The following KRT19 variants were observed in gnomAD, a reference collection of about 807,000 sequenced individuals.
KRT19 encodes keratin, type I cytoskeletal 19.
A neutral mutation model predicts 34.6 loss-of-function variants in KRT19; 21 were observed. That is an observed-to-expected ratio of 0.61 (90% CI 0.43 to 0.87). KRT19 has a LOEUF of 0.87. Among genes scored for constraint, KRT19 ranks in the 40% least tolerant of loss-of-function variants. The pLI is 0.00. For missense variants in KRT19, 514 were observed against 545.7 expected (o/e 0.94, Z 0.58); for synonymous variants, 240 against 245.8 (o/e 0.98, Z 0.22).
intron 1 of KRT19, among the ~76,000 whole-genome samples, chr17:41,526,470 A>T (rs1905868858): frequency 6.9e-6 from 1 of 143,894 alleles, no homozygotes; most frequent in Non-Finnish European, 1.5e-5. Flanking sequence ...TTTTTGATAC[A>T]GGGTCTCGCT....
At chr17:41,525,498 T>C (rs1905832305) in intron 1 of KRT19, 1 of 517,448 alleles carries the variant, frequency 1.9e-6, no homozygotes, top group Non-Finnish European at 3.5e-6. Flanking sequence ...GGGACTTGGG[T>C]GGGGGAGGGC....
rs374629932 is a variant in KRT19 at position 41,524,448 on chromosome 17, G to T, written c.753C>A (p.Asp251Glu). ...CCATGACCTCATATTGGCTTCGCAT[G>T]TCACTCAGGATCTTGGCGAGATCGG... is the stretch of plus-strand genomic sequence containing the variant. ...PGTDLAKILSDMRSQYEVMAE... is the reference protein window; with the variant it reads ...PGTDLAKILSEMRSQYEVMAE... Residue 251 changes from aspartate (D) to glutamate (E), a missense_variant, in exon 4 of 6, where the codon GAC (aspartate) becomes GAA (glutamate). Physicochemically the swap from Asp to Glu is conservative, Grantham distance 45. Transcript: ENST00000361566. The T allele has an allele frequency of 2.7e-5, 44 of 1,614,190 alleles. No individual in the cohort carries two copies. In the Middle Eastern group the frequency reaches 6.6e-4, roughly 24 times the overall value.
chr17:41,524,437 T>A lies in KRT19; in HGVS notation c.764A>T (p.Gln255Leu). The change falls in exon 4 of 6, where the codon CAA (glutamine) becomes CTA (leucine). Residue 255 changes from glutamine (Q) to leucine (L), a missense_variant. By Grantham distance (113) the Gln-to-Leu change is moderately radical. Transcript: ENST00000361566. ...LAKILSDMRS[Q>L]YEVMAEQNRK... Reference sequence around the variant, plus strand: ...GTTCTGCTCGGCCATGACCTCATATTGGCTTCGCATGTCACTCAGGATCTT... The same window carrying A: ...GTTCTGCTCGGCCATGACCTCATATAGGCTTCGCATGTCACTCAGGATCTT... The A allele has an allele frequency of 6.2e-7, 1 of 1,614,210 alleles. No homozygotes were observed. Among genetic ancestry groups the A allele is most frequent in the Non-Finnish European group, 8.5e-7 (1 of 1,180,030 alleles).
Position 41,524,433 on chromosome 17 carries a change from A to T in KRT19, c.768T>A (p.Tyr256Ter). 1 of 1,614,124 alleles carries T rather than the reference A, an allele frequency of 6.2e-7. No individual in the cohort carries two copies. The highest frequency in any genetic ancestry group is 2.2e-5 in the East Asian group (1 of 44,874). The change falls in exon 4 of 6, where the codon TAT (tyrosine) becomes TAA (stop). Residue 256 changes from tyrosine (Y) to a stop codon, truncating the protein, a stop_gained. Coordinates refer to ENST00000361566, the MANE Select transcript of KRT19 (RefSeq NM_002276.5). LOFTEE classifies it high-confidence loss of function. ...TCCGGTTCTGCTCGGCCATGACCTCATATTGGCTTCGCATGTCACTCAGGA... is the reference window on the plus strand; with the variant it reads ...TCCGGTTCTGCTCGGCCATGACCTCTTATTGGCTTCGCATGTCACTCAGGA... Reference protein sequence around the residue: ...AKILSDMRSQYEVMAEQNRKD... With the variant: ...AKILSDMRSQ
rs1905796590 is a variant in KRT19, at chr17:41,524,626, A to G, written c.661-86T>C. 2.0e-6 allele frequency: 3 copies of G among 1,477,586 alleles called. No homozygotes were observed. In the South Asian group the frequency reaches 3.6e-5, roughly 17 times the overall value. 91.5% of individuals were successfully genotyped at this position (1,477,586 alleles called of 1,614,324 possible). On this transcript the variant is annotated intron_variant, in intron 3 of 5. Transcript: ENST00000361566. ...GTCACTTCCCCACCCTTCAGGCTAA[A>G]GGGGCTTAGTTTTCAGGTGCAGGCC...
intron 2 of KRT19, 71 bp from the exon 3 acceptor site, chr17:41,525,070 A>G: frequency 6.3e-7 from 1 of 1,591,850 alleles, no homozygotes; most frequent in Non-Finnish European, 8.6e-7. Context: ...ACCTCCCCAG[A>G]GTTCAGGAGT....
In KRT19 at chr17:41,528,045, A is replaced by ACGCCGCCGTAGC. The variant is rs1567723294; in HGVS notation, c.191_202dup (p.Gly64_Gly67dup). On this transcript the variant is annotated inframe_insertion, in exon 1 of 6. Coordinates refer to ENST00000361566, the MANE Select transcript of KRT19 (RefSeq NM_002276.5). ...CAGCAGCCCGTCGGACGCGGTCAGG[A>ACGCCGCCGTAGC]CGCCGCCGTAGCCGCCGCCGTAGGC... The ACGCCGCCGTAGC allele has an allele frequency of 3.1e-6, 5 of 1,610,602 alleles. No homozygotes were observed. Among genetic ancestry groups the ACGCCGCCGTAGC allele is most frequent in the Non-Finnish European group, 3.4e-6 (4 of 1,179,392 alleles).
At chr17:41,526,138 A>AT (rs577099567) in intron 1 of KRT19, among the ~76,000 whole-genome samples, 468 of 150,784 alleles carry the variant, frequency 3.1e-3, no homozygotes, top group South Asian at 0.028. Flanking sequence ...CGCCCAGCTA[A>AT]TTTTTTTTTG....
Position 41,526,017 on chromosome 17 carries a change from G to C in KRT19, c.421-744C>G, listed in dbSNP as rs371541751. ...GACAGAGTCTCGCTCTGTCACCCAGGCTGGAGTGCAGCGTCGCGATCTCGG... is the reference window on the plus strand; with the variant it reads ...GACAGAGTCTCGCTCTGTCACCCAGCCTGGAGTGCAGCGTCGCGATCTCGG... On this transcript the variant is annotated intron_variant, in intron 1 of 5. Coordinates refer to ENST00000361566, the MANE Select transcript of KRT19 (RefSeq NM_002276.5). Among the ~76,000 whole-genome samples the C allele has an allele frequency of 3.0e-3, 459 of 152,256 alleles. 2 individuals are homozygous for C. The highest frequency in any genetic ancestry group is 0.01 in the African/African-American group (425 of 41,556).
intron 2 of KRT19, 95 bp downstream of exon 2, chr17:41,525,096 C>A: frequency 6.4e-7 from 1 of 1,573,744 alleles, no homozygotes; most frequent in Non-Finnish European, 8.7e-7. Context: ...GGGGGGTTAG[C>A]TTCAGGCCAT....
chr17:41,524,742 G>A lies in KRT19; in HGVS notation c.660+101C>T, dbSNP rs1905798480. 7.2e-6 allele frequency: 10 copies of A among 1,391,156 alleles called. No homozygotes were observed. The South Asian group carries it at 1.0e-4, about 14-fold the overall frequency. The allele number at this position is 1,391,156 out of a possible 1,614,324, so 86.2% of individuals were successfully genotyped here. A position where few individuals can be genotyped will look rare whatever the true frequency, so the allele number is the denominator to read the frequency against. ...ATCCCACACCCAGGGCCATGGTGAGGGTGCACCAAGTGTTACCACGGTCAG... is the reference window on the plus strand; with the variant it reads ...ATCCCACACCCAGGGCCATGGTGAGAGTGCACCAAGTGTTACCACGGTCAG... On this transcript the variant is annotated intron_variant, in intron 3 of 5. Coordinates refer to ENST00000361566, the MANE Select transcript of KRT19 (RefSeq NM_002276.5).
In KRT19 at chr17:41,524,900, C is replaced by G; in HGVS notation, c.603G>C (p.Glu201Asp). The G allele has an allele frequency of 6.2e-7, 1 of 1,614,230 alleles. No homozygotes were observed. The highest frequency in any genetic ancestry group is 8.5e-7 in the Non-Finnish European group (1 of 1,180,030). ...DELTLARTDL[E>D]MQIEGLKEEL... ...CTTCCTTCAGGCCTTCGATCTGCAT[C>G]TCCAGGTCGGTCCTGGCCAGGGTCA... The change falls in exon 3 of 6, where the codon GAG becomes GAC. Residue 201 changes from glutamate (E) to aspartate (D), a missense_variant. Physicochemically the swap from Glu to Asp is conservative, Grantham distance 45 (BLOSUM62 2). Coordinates refer to ENST00000361566, the MANE Select transcript of KRT19 (RefSeq NM_002276.5).
intron 3 of KRT19, 55 bp downstream of exon 3, chr17:41,524,788 C>T (rs1189386444): frequency 6.3e-7 from 1 of 1,593,128 alleles, no homozygotes; most frequent in African/African-American, 1.3e-5. Context: ...ATAAAAGAGT[C>T]TTCAGCCCTG....
At chr17:41,527,073 C>G (rs557196035) in intron 1 of KRT19, among the ~76,000 whole-genome samples, 3 of 152,272 alleles carry the variant, frequency 2.0e-5, no homozygotes, top group South Asian at 2.1e-4. Context: ...CTTTACGACT[C>G]GAAAAATTTC....
chr17:41,527,178 AG>A (rs1905896701), intron 1 of KRT19, among the ~76,000 whole-genome samples: 1 of 55,612 alleles, frequency 1.8e-5, no homozygotes, highest in African/African-American at 4.4e-5. Flanking sequence ...TTCCCCGACA[AG>A]GAGCTGCCAC....
At position 41,527,983 on chromosome 17, in the gene KRT19, C is replaced by T; in HGVS notation, c.265G>A (p.Asp89Asn). ...TTGTCCAGGTAGGAGGCCAGGCGGT[C>T]GTTGAGGTTCTGCATGGTTAGCTTC... ...NEKLTMQNLN[D>N]RLASYLDKVR... The change falls in exon 1 of 6, where the codon GAC (aspartate) becomes AAC (asparagine). Residue 89 changes from aspartate (D) to asparagine (N), a missense_variant. By Grantham distance (23) the Asp-to-Asn change is conservative. Transcript: ENST00000361566. 6.2e-7 allele frequency: 1 copy of T among 1,613,660 alleles called. No individual in the cohort carries two copies. The highest frequency in any genetic ancestry group is 1.1e-5 in the South Asian group (1 of 91,066).
chr17:41,526,679 C>T (rs1168559631), intron 1 of KRT19, among the ~76,000 whole-genome samples: 2 of 134,062 alleles, frequency 1.5e-5, no homozygotes, highest in Non-Finnish European at 3.1e-5. Flanking sequence ...TCCAGCAATT[C>T]TCCTGCCTCA....
chr17:41,526,873 C>A (rs1905884328), intron 1 of KRT19, among the ~76,000 whole-genome samples: 1 of 152,128 alleles, frequency 6.6e-6, no homozygotes, highest in South Asian at 2.1e-4. Flanking sequence ...GTGCCCAGCC[C>A]CTGTAGGTCA....
At chr17:41,525,623 C>CA (rs1009826094) in intron 1 of KRT19, 4 of 258,698 alleles carry the variant, frequency 1.5e-5, no homozygotes, top group African/African-American at 8.9e-5. Context: ...ACCTGCCCCC[C>CA]CCACTATGCG....
Sources: gnomAD v4.1 joint callset for allele counts (sites outside exome capture counted in the v4.1 genomes callset) on GRCh38, gnomAD v4.1.1 for gene constraint, MANE v1.5 for transcripts, NCBI Gene and HGNC (gene_info 2026-07-23, HGNC 2026-07-21) for gene names.